SLC39A11: variants seen among roughly 807,000 people sequenced by gnomAD.
The protein encoded by SLC39A11 is solute carrier family 39 member 11, also known as zinc transporter ZIP11.
Under a neutral mutation model 36.1 loss-of-function variants are expected in SLC39A11, and 33 were observed. That is an observed-to-expected ratio of 0.91 (90% CI 0.69 to 1.22). The LOEUF (loss-of-function observed/expected upper bound fraction) is 1.22. SLC39A11 is among the 50% of genes most tolerant of loss of function. The pLI, the probability that SLC39A11 is intolerant of heterozygous loss-of-function variation, is 0.00. For missense variants in SLC39A11, 432 were observed against 430.3 expected, an observed-to-expected ratio of 1.00 and a Z score of -0.03; for synonymous variants, 166 against 170.3, an observed-to-expected ratio of 0.97 and a Z score of 0.20.
At chr17:72,920,682 A>C (rs1598419709) in intron 5 of SLC39A11, among the ~76,000 whole-genome samples, 4 of 78,290 alleles carry the variant, frequency 5.1e-5, no homozygotes, top group Admixed American at 1.7e-4. Flanking sequence ...CACACTTCTC[A>C]CCCCCTTACA....
At chr17:72,686,241 G>A (rs2071742720) in intron 7 of SLC39A11, among the ~76,000 whole-genome samples, 1 of 152,164 alleles carries the variant, frequency 6.6e-6, no homozygotes, top group Admixed American at 6.5e-5. Flanking sequence ...ACGAGTCCCT[G>A]TCCCCCAGGT....
At chr17:72,834,135 T>C (rs1407450091) in intron 6 of SLC39A11, among the ~76,000 whole-genome samples, 1 of 152,184 alleles carries the variant, frequency 6.6e-6, no homozygotes, top group Non-Finnish European at 1.5e-5. Context: ...TGTCATCCAG[T>C]AGAACTTCCT....
intron 6 of SLC39A11, among the ~76,000 whole-genome samples, chr17:72,826,405 A>G (rs1211705436): frequency 6.6e-6 from 1 of 152,212 alleles, no homozygotes; most frequent in African/African-American, 2.4e-5. Context: ...ACCCGGTCTC[A>G]GGTAGTTCTT....
chr17:73,043,671 T>A (rs1485320016), intron 3 of SLC39A11, among the ~76,000 whole-genome samples: 1 of 152,078 alleles, frequency 6.6e-6, no homozygotes, highest in African/African-American at 2.4e-5. Context: ...GCTCTGGACA[T>A]AATCCAGATG....
chr17:73,066,302 C>T (rs530885649), intron 3 of SLC39A11, among the ~76,000 whole-genome samples: 6 of 152,236 alleles, frequency 3.9e-5, no homozygotes, highest in South Asian at 2.1e-4. Flanking sequence ...GCCAAATGAC[C>T]GCGGCCTCAT....
chr17:72,898,142 C>A (rs185163644), intron 5 of SLC39A11, among the ~76,000 whole-genome samples: 1 of 152,286 alleles, frequency 6.6e-6, no homozygotes, highest in East Asian at 1.9e-4. Flanking sequence ...GTGCATCTGG[C>A]AATTTGGGGG....
chr17:72,907,466 C>T lies in SLC39A11; in HGVS notation c.430+40286G>A, dbSNP rs1445332946. ...TATCACACCATGGCACTCCAGTCCA[C>T]GTGACAGAGTGACGGAGCGAGACTC... On this transcript the variant is annotated intron_variant, in intron 5 of 9. Coordinates refer to ENST00000255559, the MANE Select transcript of SLC39A11 (RefSeq NM_139177.4). Among the ~76,000 whole-genome samples the T allele has an allele frequency of 3.3e-5, 5 of 152,222 alleles. No homozygotes were observed. In the South Asian group the frequency reaches 1.0e-3, roughly 32 times the overall value.
At chr17:73,028,549 AT>A (rs2058636123) in intron 4 of SLC39A11, among the ~76,000 whole-genome samples, 1 of 152,136 alleles carries the variant, frequency 6.6e-6, no homozygotes, top group African/African-American at 2.4e-5. Context: ...TCTAAGACAA[AT>A]TCCCCCTCTC....
intron 6 of SLC39A11, among the ~76,000 whole-genome samples, chr17:72,831,205 T>A (rs1205430557): frequency 3.3e-5 from 5 of 151,800 alleles, no homozygotes; most frequent in South Asian, 4.2e-4. Context: ...TCTGAGAATA[T>A]AGAGAAGAGA....
At chr17:73,009,290 G>C (rs1187253946) in intron 4 of SLC39A11, among the ~76,000 whole-genome samples, 3 of 150,266 alleles carry the variant, frequency 2.0e-5, no homozygotes, top group African/African-American at 7.4e-5. Flanking sequence ...AATGGCGTGA[G>C]CTTGCAGTGA....
intron 3 of SLC39A11, among the ~76,000 whole-genome samples, chr17:73,071,929 A>G (rs979860120): frequency 8.5e-5 from 13 of 152,218 alleles, no homozygotes. Context: ...CACTCGGCAC[A>G]GTGACTGCAA....
intron 4 of SLC39A11, among the ~76,000 whole-genome samples, chr17:72,949,143 G>GTTTTTTTTT (rs1568004786): frequency 1.9e-4 from 10 of 52,534 alleles, no homozygotes; most frequent in South Asian, 7.0e-4. Context: ...ACACTGGGCA[G>GTTTTTTTTT]CTTTTTTTTT....
chr17:72,855,513 A>G (rs1343852515), intron 5 of SLC39A11, among the ~76,000 whole-genome samples: 1 of 152,044 alleles, frequency 6.6e-6, no homozygotes, highest in Non-Finnish European at 1.5e-5. Flanking sequence ...ACTCTTTCTA[A>G]ACCCCTGTTA....
At chr17:72,808,344 C>T (rs1467633588) in intron 6 of SLC39A11, among the ~76,000 whole-genome samples, 1 of 152,184 alleles carries the variant, frequency 6.6e-6, no homozygotes, top group African/African-American at 2.4e-5. Flanking sequence ...GGCTTCTAGC[C>T]CTGCAGGTGG....
chr17:72,733,761 G>A (rs536895108), intron 7 of SLC39A11, among the ~76,000 whole-genome samples: 1 of 152,298 alleles, frequency 6.6e-6, no homozygotes, highest in East Asian at 1.9e-4. Context: ...GAGTGTGGGT[G>A]GATTTAGTGC....
At chr17:72,660,534 T>C (rs572967837) in intron 7 of SLC39A11, among the ~76,000 whole-genome samples, 84 of 152,264 alleles carry the variant, frequency 5.5e-4, no homozygotes, top group South Asian at 2.1e-3. Context: ...TGTGTACACA[T>C]ACCGGGTTTT....
In SLC39A11 at chr17:72,784,500, A is replaced by G. The variant is rs145295806; in HGVS notation, c.602-47781T>C. Among the ~76,000 whole-genome samples the G allele has an allele frequency of 4.6e-5, 7 of 152,264 alleles. No homozygotes were observed. The East Asian group carries it at 1.2e-3, about 25-fold the overall frequency. On this transcript the variant is annotated intron_variant, in intron 6 of 9. Coordinates refer to ENST00000255559, the MANE Select transcript of SLC39A11 (RefSeq NM_139177.4). ...TTTCTAGGGCCTCAAACTGCTTTGG[A>G]AAACTTTGGTGATATAGTTCGGATA... is the stretch of plus-strand genomic sequence containing the variant.
At chr17:72,662,139 C>T (rs1334823592) in intron 7 of SLC39A11, among the ~76,000 whole-genome samples, 3 of 152,086 alleles carry the variant, frequency 2.0e-5, no homozygotes, top group Admixed American at 6.6e-5. Flanking sequence ...CGCAGTGGTT[C>T]GCGCCTGTAA....
At chr17:72,761,119 G>T (rs901314603) in intron 6 of SLC39A11, among the ~76,000 whole-genome samples, 1 of 151,644 alleles carries the variant, frequency 6.6e-6, no homozygotes, top group African/African-American at 2.4e-5. Context: ...TCCAATTTTT[G>T]TTTTGTTTTG....
Sources: allele counts gnomAD v4.1 joint callset (sites outside exome capture counted in the v4.1 genomes callset), GRCh38; gene constraint gnomAD v4.1.1; transcripts MANE v1.5; gene names NCBI Gene and HGNC (gene_info 2026-07-23, HGNC 2026-07-21).